STX8: variants seen among roughly 807,000 people sequenced by gnomAD.
STX8 encodes the protein syntaxin-8.
A neutral mutation model predicts 37.5 loss-of-function variants in STX8; 23 were observed. That is an observed-to-expected ratio of 0.61 (90% CI 0.44 to 0.87). The LOEUF (loss-of-function observed/expected upper bound fraction) is 0.87. Among genes scored for constraint, STX8 ranks in the 40% least tolerant of loss-of-function variants. The pLI, the probability that STX8 is intolerant of heterozygous loss-of-function variation, is 0.00. For missense variants in STX8, 313 were observed against 284.7 expected (o/e 1.10, Z -0.71); for synonymous variants, 115 against 99.1 (o/e 1.16, Z -0.95).
intron 7 of STX8, among the ~76,000 whole-genome samples, chr17:9,275,694 C>T (rs1208016022): frequency 2.0e-5 from 3 of 151,800 alleles, no homozygotes; most frequent in Non-Finnish European, 2.9e-5. Flanking sequence ...ATGGAGAAAC[C>T]CCGTCTCTAG....
At chr17:9,543,146 CTGAA>C (rs1401517234) in intron 4 of STX8, among the ~76,000 whole-genome samples, 8 of 152,170 alleles carry the variant, frequency 5.3e-5, no homozygotes, top group African/African-American at 1.9e-4. Context: ...GCAGAATAGT[CTGAA>C]TGTTTTGTCC....
intron 3 of STX8, chr17:9,556,768 T>TATATACATAC (rs1555537091): frequency 1.8e-4 from 11 of 61,026 alleles, no homozygotes; most frequent in African/African-American, 8.0e-4. Context: ...TATATATATA[T>TATATACATAC]ATATATATAT....
intron 7 of STX8, among the ~76,000 whole-genome samples, chr17:9,292,723 G>A (rs1908359130): frequency 6.6e-6 from 1 of 152,192 alleles, no homozygotes; most frequent in Non-Finnish European, 1.5e-5. Flanking sequence ...AGGGCTTGCA[G>A]AATCATCTTG....
At chr17:9,374,114 C>T (rs1468977691) in intron 7 of STX8, among the ~76,000 whole-genome samples, 2 of 148,610 alleles carry the variant, frequency 1.3e-5, no homozygotes, top group East Asian at 2.0e-4. Context: ...TGGAGTCTCA[C>T]TGTGTCACCC....
intron 6 of STX8, among the ~76,000 whole-genome samples, chr17:9,419,473 C>T (rs1190827064): frequency 6.6e-6 from 1 of 152,126 alleles, no homozygotes; most frequent in Non-Finnish European, 1.5e-5. Flanking sequence ...GAGTGGACTA[C>T]AGATCCCAGA....
chr17:9,435,543 TA>T (rs548663986), intron 6 of STX8, among the ~76,000 whole-genome samples: 122 of 152,284 alleles, frequency 8.0e-4, no homozygotes, highest in African/African-American at 2.9e-3. Context: ...CCAGACAAAT[TA>T]AAAACATAAG....
At chr17:9,397,847 GC>G (rs1248547382) in intron 6 of STX8, among the ~76,000 whole-genome samples, 1 of 151,688 alleles carries the variant, frequency 6.6e-6, no homozygotes, top group African/African-American at 2.4e-5. Flanking sequence ...AATTAGCCAG[GC>G]TTGGTGGCAG....
chr17:9,265,123 GAAAAA>G (rs61526336), intron 7 of STX8, among the ~76,000 whole-genome samples: 1 of 72,510 alleles, frequency 1.4e-5, no homozygotes, highest in African/African-American at 4.7e-5. Flanking sequence ...AGTCTGAAAA[GAAAAA>G]AAAAAAAAAA....
At chr17:9,368,922 C>CTT (rs71830909) in intron 7 of STX8, among the ~76,000 whole-genome samples, 10,085 of 145,306 alleles carry the variant, frequency 0.069, 983 homozygotes, top group African/African-American at 0.21. Flanking sequence ...ACCTTTTACC[C>CTT]TTTTTTTTTT....
At chr17:9,456,002 T>C (rs1451976768) in intron 6 of STX8, among the ~76,000 whole-genome samples, 3 of 152,030 alleles carry the variant, frequency 2.0e-5, no homozygotes, top group Admixed American at 2.0e-4. Context: ...CAATTTACTC[T>C]CCCAGCACAC....
intron 7 of STX8, chr17:9,283,207 G>A (rs979797767): frequency 6.6e-6 from 1 of 152,084 alleles, no homozygotes; most frequent in Non-Finnish European, 1.5e-5. Context: ...TAAACTAAAG[G>A]GTTTTTTCCT....
intron 6 of STX8, 31 bp downstream of exon 6, chr17:9,491,798 C>A: frequency 6.4e-7 from 1 of 1,564,570 alleles, no homozygotes; most frequent in Non-Finnish European, 8.8e-7. Context: ...ATGTCAACGG[C>A]AAATCTGGTC....
chr17:9,264,222 G>C (rs7212189), intron 7 of STX8, among the ~76,000 whole-genome samples: 21,007 of 152,232 alleles, frequency 0.14, 3,046 homozygotes, highest in East Asian at 0.38. Context: ...GCCAGAGCCA[G>C]GCAGCAGAGC....
At chr17:9,547,804 T>TTTG (rs1906608176) in intron 3 of STX8, among the ~76,000 whole-genome samples, 1 of 146,740 alleles carries the variant, frequency 6.8e-6, no homozygotes, top group African/African-American at 2.7e-5. Flanking sequence ...TTTGTTTTGT[T>TTTG]TTGTTAAGAT....
intron 7 of STX8, among the ~76,000 whole-genome samples, chr17:9,315,856 C>CA (rs918113072): frequency 3.3e-5 from 5 of 151,796 alleles, no homozygotes; most frequent in African/African-American, 1.2e-4. Flanking sequence ...TACTAAAATA[C>CA]AAAAAACATT....
chr17:9,547,782 CTTT>C (rs201145334), intron 3 of STX8, among the ~76,000 whole-genome samples: 78 of 130,026 alleles, frequency 6.0e-4, no homozygotes, highest in Non-Finnish European at 1.0e-3. Flanking sequence ...CTTTTCTTTT[CTTT>C]TTTTTTTTTT....
chr17:9,472,214 C>T (rs1905900328), intron 6 of STX8, among the ~76,000 whole-genome samples: 1 of 152,158 alleles, frequency 6.6e-6, no homozygotes, highest in East Asian at 1.9e-4. Context: ...GGTCATCCCT[C>T]TCTGAGGCCG....
At chr17:9,254,086 C>T (rs1906691981) in intron 7 of STX8, among the ~76,000 whole-genome samples, 1 of 152,152 alleles carries the variant, frequency 6.6e-6, no homozygotes, top group African/African-American at 2.4e-5. Flanking sequence ...TTAAATCCTC[C>T]AGTGGCTGAA....
chr17:9,282,932 C>T (rs1394100734), intron 7 of STX8, among the ~76,000 whole-genome samples: 2 of 148,918 alleles, frequency 1.3e-5, no homozygotes, highest in African/African-American at 5.0e-5. Context: ...TTTACCAAAA[C>T]TGAAGAACTG....
Sources: gnomAD v4.1 joint callset for allele counts (sites outside exome capture counted in the v4.1 genomes callset) on GRCh38, gnomAD v4.1.1 for gene constraint, MANE v1.5 for transcripts, NCBI Gene and HGNC (gene_info 2026-07-23, HGNC 2026-07-21) for gene names.